GRM7: variants seen among roughly 807,000 people sequenced by gnomAD.
The protein encoded by GRM7 is glutamate metabotropic receptor 7, also known as metabotropic glutamate receptor 7.
A neutral mutation model predicts 84.5 loss-of-function variants in GRM7; 35 were observed. The observed-to-expected ratio is 0.41, with a 90% CI of 0.32 to 0.55. GRM7 has a LOEUF of 0.55. Among genes scored for constraint, GRM7 ranks in the 20% least tolerant of loss-of-function variants. GRM7 has a pLI of 0.19. For missense variants in GRM7, 1,003 were observed against 1,194.6 expected (o/e 0.84, Z 2.36); for synonymous variants, 487 against 455.1 (o/e 1.07, Z -0.89).
intron 4 of GRM7, among the ~76,000 whole-genome samples, chr3:7,376,123 TA>T (rs1694338838): frequency 6.6e-6 from 1 of 152,186 alleles, no homozygotes. Flanking sequence ...ATGTTTTAAT[TA>T]AATTTTTCTG....
chr3:7,329,337 C>G (rs1701108235), intron 4 of GRM7, among the ~76,000 whole-genome samples: 1 of 152,174 alleles, frequency 6.6e-6, no homozygotes, highest in Admixed American at 6.5e-5. Flanking sequence ...CGTGCCTCGC[C>G]ATAAATTGGT....
At chr3:7,463,978 TATG>T (rs1698358341) in intron 7 of GRM7, among the ~76,000 whole-genome samples, 1 of 152,052 alleles carries the variant, frequency 6.6e-6, no homozygotes, top group Non-Finnish European at 1.5e-5. Context: ...AAAGACCAAT[TATG>T]ATTCTTTTGC....
At chr3:7,020,509 T>A (rs1695737643) in intron 1 of GRM7, among the ~76,000 whole-genome samples, 1 of 152,220 alleles carries the variant, frequency 6.6e-6, no homozygotes, top group African/African-American at 2.4e-5. Context: ...ATTGTTCAAA[T>A]GCAGATTCCT....
At chr3:7,496,211 C>T (rs1300552418) in intron 7 of GRM7, among the ~76,000 whole-genome samples, 1 of 152,156 alleles carries the variant, frequency 6.6e-6, no homozygotes, top group Non-Finnish European at 1.5e-5. Flanking sequence ...GTATTCATTG[C>T]ATGAGTAAAA....
chr3:7,309,200 G>A lies in GRM7; in HGVS notation c.1033+2548G>A, dbSNP rs144287758. Among the ~76,000 whole-genome samples the A allele has an allele frequency of 9.1e-4, 139 of 152,258 alleles. 1 individual carries two copies. The highest frequency in any genetic ancestry group is 3.2e-3 in the African/African-American group (133 of 41,548). On this transcript the variant is annotated intron_variant, in intron 4 of 9. Coordinates refer to ENST00000357716, the MANE Select transcript of GRM7 (RefSeq NM_000844.4). ...GTTTTGTTCACTTTCGTAGCAGACA[G>A]AACATTAAGATAGCATCTATGCATT...
chr3:6,929,138 G>A (rs1697407687), intron 1 of GRM7, among the ~76,000 whole-genome samples: 1 of 152,210 alleles, frequency 6.6e-6, no homozygotes, highest in South Asian at 2.1e-4. Flanking sequence ...AAAAATCACA[G>A]TCAAAGCATT....
At chr3:7,139,834 TA>T (rs1335211999) in intron 1 of GRM7, among the ~76,000 whole-genome samples, 2 of 151,868 alleles carry the variant, frequency 1.3e-5, no homozygotes, top group East Asian at 3.9e-4. Flanking sequence ...TTCATCAAAC[TA>T]AAAAGTTTCT....
At chr3:7,680,521 G>C (rs552788395) in intron 9 of GRM7, 171 of 533,736 alleles carry the variant, frequency 3.2e-4, no homozygotes, top group Middle Eastern at 2.0e-3. Context: ...TGCTTCAGAA[G>C]TGTGAAGCCT....
chr3:7,134,860 A>G (rs1385997749), intron 1 of GRM7, among the ~76,000 whole-genome samples: 3 of 152,208 alleles, frequency 2.0e-5, no homozygotes, highest in Non-Finnish European at 4.4e-5. Context: ...CACATATAAC[A>G]ATACCCACTA....
intron 7 of GRM7, among the ~76,000 whole-genome samples, chr3:7,493,243 T>A (rs564920381): frequency 2.3e-4 from 35 of 152,158 alleles, no homozygotes; most frequent in Admixed American, 1.1e-3. Context: ...TCTAGTTGTT[T>A]AATACTGAAC....
intron 7 of GRM7, among the ~76,000 whole-genome samples, chr3:7,504,806 C>A (rs1426668779): frequency 6.6e-6 from 1 of 152,172 alleles, no homozygotes; most frequent in African/African-American, 2.4e-5. Context: ...TTAGCCATAG[C>A]ATTCTGTCTC....
At chr3:7,433,691 A>G (rs924983480) in intron 5 of GRM7, among the ~76,000 whole-genome samples, 8 of 152,230 alleles carry the variant, frequency 5.3e-5, no homozygotes, top group Non-Finnish European at 8.8e-5. Context: ...TTCCAGGACT[A>G]TTCTTGATAA....
At chr3:7,717,965 C>T (rs1388384215) in intron 9 of GRM7, among the ~76,000 whole-genome samples, 1 of 152,204 alleles carries the variant, frequency 6.6e-6, no homozygotes, top group Admixed American at 6.5e-5. Context: ...TTCTGCCTTA[C>T]AATATTTCCA....
intron 2 of GRM7, among the ~76,000 whole-genome samples, chr3:7,169,290 TG>T (rs1446620002): frequency 2.0e-5 from 3 of 152,226 alleles, no homozygotes; most frequent in Non-Finnish European, 2.9e-5. Context: ...GTATCCATTT[TG>T]TAGAAATACC....
At chr3:7,352,497 T>A (rs554518707) in intron 4 of GRM7, among the ~76,000 whole-genome samples, 2 of 151,920 alleles carry the variant, frequency 1.3e-5, no homozygotes, top group Admixed American at 1.3e-4. Context: ...TGAAGACGAG[T>A]CTCTGCTCCT....
At chr3:6,927,547 T>G (rs1697357311) in intron 1 of GRM7, among the ~76,000 whole-genome samples, 1 of 151,414 alleles carries the variant, frequency 6.6e-6, no homozygotes, top group African/African-American at 2.4e-5. Flanking sequence ...AATCTAGTAG[T>G]TAAATTAGGA....
At chr3:7,146,418 T>C (rs1364534782) in intron 1 of GRM7, 34 bp from the exon 2 acceptor site, 1 of 1,450,936 alleles carries the variant, frequency 6.9e-7, no homozygotes, top group Non-Finnish European at 9.7e-7. Flanking sequence ...ATCCTGACGG[T>C]GCACTCTCAC....
intron 1 of GRM7, among the ~76,000 whole-genome samples, chr3:6,932,751 C>CT (rs35962540): frequency 0.028 from 2,591 of 93,570 alleles, 80 homozygotes; most frequent in African/African-American, 0.039. Context: ...TTCTTTCTCT[C>CT]TTTTTTTTTT....
chr3:7,357,962 A>G (rs1693483485), intron 4 of GRM7, among the ~76,000 whole-genome samples: 1 of 152,128 alleles, frequency 6.6e-6, no homozygotes, highest in Non-Finnish European at 1.5e-5. Context: ...CATGTCAGTT[A>G]CCTGCCTGGT....
Sources: allele counts gnomAD v4.1 joint callset (sites outside exome capture counted in the v4.1 genomes callset), GRCh38; gene constraint gnomAD v4.1.1; transcripts MANE v1.5; gene names NCBI Gene and HGNC (gene_info 2026-07-23, HGNC 2026-07-21).